The following RELL1 variants were observed in gnomAD, a reference collection of about 807,000 sequenced individuals.
The protein encoded by RELL1 is RELT like 1.
In RELL1, 10 loss-of-function variants were observed where a neutral mutation model predicts 23.0. The observed-to-expected ratio is 0.43, with a 90% CI of 0.27 to 0.74. The LOEUF is 0.74. RELL1 is among the 30% of genes least tolerant of loss of function. The pLI is 0.19. For synonymous variants in RELL1, 146 were observed against 146.8 expected (o/e 0.99, Z 0.04); for missense variants, 315 against 364.4 (o/e 0.86, Z 1.10).
At chr4:37,643,827 G>T (rs1313146373) in intron 3 of RELL1, among the ~76,000 whole-genome samples, 1 of 152,214 alleles carries the variant, frequency 6.6e-6, no homozygotes, top group Non-Finnish European at 1.5e-5. Flanking sequence ...TTATCACCAG[G>T]CTGTGGTTTT....
At chr4:37,645,544 T>G (rs188543238) in intron 3 of RELL1, among the ~76,000 whole-genome samples, 5 of 152,226 alleles carry the variant, frequency 3.3e-5, no homozygotes, top group African/African-American at 7.2e-5. Context: ...CCGAGTAAGT[T>G]TGGTTGTCTG....
chr4:37,647,711 T>C (rs3934004), intron 2 of RELL1, among the ~76,000 whole-genome samples: 89,366 of 152,078 alleles, frequency 0.59, 26,815 homozygotes, highest in Middle Eastern at 0.67. Flanking sequence ...TGTACCAGTC[T>C]TCATTATTAT....
At chr4:37,653,123 C>A (rs745793260) in intron 1 of RELL1, among the ~76,000 whole-genome samples, 2 of 152,074 alleles carry the variant, frequency 1.3e-5, no homozygotes, top group South Asian at 4.1e-4. Flanking sequence ...CAAGAAATTG[C>A]GTTTCCTTTT....
At chr4:37,627,020 A>G (rs1370577907) in intron 6 of RELL1, among the ~76,000 whole-genome samples, 1 of 152,212 alleles carries the variant, frequency 6.6e-6, no homozygotes, top group Non-Finnish European at 1.5e-5. Context: ...GTAGATTTGG[A>G]GTGTTCTCAC....
chr4:37,590,910 G>A, exon 7 of RELL1: 1 of 1,614,244 alleles, frequency 6.2e-7, no homozygotes, highest in Non-Finnish European at 8.5e-7. Flanking sequence ...ATGGGGATGG[G>A]GAGATTGTGG....
chr4:37,622,094 CTCAG>C (rs1719788652), intron 6 of RELL1, among the ~76,000 whole-genome samples: 1 of 152,178 alleles, frequency 6.6e-6, no homozygotes, highest in Non-Finnish European at 1.5e-5. Context: ...CTCCTTATGG[CTCAG>C]TCAATGTGGG....
Position 37,686,336 on chromosome 4 carries a change from G to A in RELL1, c.-49C>T, listed in dbSNP as rs527920149. ...CCCCAGGGCGCCGCGTCCCGCGCTC[G>A]GGAAGGCAGAGCCGCTCCGGAGCCG... On this transcript the variant is annotated 5_prime_UTR_variant, in exon 1 of 7. Coordinates refer to ENST00000454158, the MANE Select transcript of RELL1 (RefSeq NM_001085400.2). The A allele has an allele frequency of 5.7e-6, 8 of 1,410,596 alleles. No homozygotes were observed. The highest frequency in any genetic ancestry group is 6.5e-6 in the Non-Finnish European group (7 of 1,069,048). 87.4% of individuals were successfully genotyped at this position (1,410,596 alleles called of 1,614,324 possible).
chr4:37,662,021 G>C (rs10013338), intron 1 of RELL1, among the ~76,000 whole-genome samples: 55,985 of 151,814 alleles, frequency 0.37, 12,673 homozygotes, highest in African/African-American at 0.65. Flanking sequence ...CCCACCCAAC[G>C]CCAGCTGCAT....
chr4:37,672,123 T>A (rs953048638), intron 1 of RELL1, among the ~76,000 whole-genome samples: 10 of 152,096 alleles, frequency 6.6e-5, no homozygotes, highest in African/African-American at 2.4e-4. Context: ...ATCACACAGG[T>A]TTGACTGATA....
chr4:37,649,716 G>C (rs765037067), intron 1 of RELL1, among the ~76,000 whole-genome samples: 1 of 152,172 alleles, frequency 6.6e-6, no homozygotes, highest in African/African-American at 2.4e-5. Context: ...TCCCATGCTG[G>C]GTCATTTTTT....
intron 3 of RELL1, among the ~76,000 whole-genome samples, chr4:37,646,223 G>C (rs1416139239): frequency 6.6e-6 from 1 of 152,180 alleles, no homozygotes; most frequent in African/African-American, 2.4e-5. Flanking sequence ...GGTGTGCTAT[G>C]GAGGGAATAA....
chr4:37,646,759 G>A (rs932988030), intron 3 of RELL1, among the ~76,000 whole-genome samples: 23 of 151,942 alleles, frequency 1.5e-4, no homozygotes, highest in African/African-American at 4.8e-4. Flanking sequence ...ACAGAGTCTC[G>A]CTCTGTTACC....
chr4:37,597,805 C>T (rs1203385155), intron 6 of RELL1, among the ~76,000 whole-genome samples: 1 of 151,974 alleles, frequency 6.6e-6, no homozygotes, highest in East Asian at 1.9e-4. Context: ...AATCCCAGCA[C>T]TTTGGGAGGC....
chr4:37,605,827 GAA>G (rs1156849511), downstream of RELL1, among the ~76,000 whole-genome samples: 1 of 109,870 alleles, frequency 9.1e-6, no homozygotes. Flanking sequence ...AAGAAAGAAA[GAA>G]AGAAAGAAAG....
downstream of RELL1, among the ~76,000 whole-genome samples, chr4:37,605,926 GGAGA>G (rs975764486): frequency 1.9e-5 from 2 of 103,716 alleles, no homozygotes; most frequent in African/African-American, 6.2e-5. Flanking sequence ...AGGGAGGGAG[GGAGA>G]GAGAGAAGGA....
At chr4:37,666,476 A>G (rs770230838) in intron 1 of RELL1, among the ~76,000 whole-genome samples, 5 of 152,218 alleles carry the variant, frequency 3.3e-5, no homozygotes, top group Non-Finnish European at 7.3e-5. Context: ...GCCTTATATG[A>G]GATTACTAGG....
chr4:37,655,517 C>A lies in RELL1; in HGVS notation c.89-6017G>T, dbSNP rs145935263. ...ACAAGCTAAGGGACACCAAAGATTG[C>A]CAGCAAATCACCAGAACCCAGGAGA... On this transcript the variant is annotated intron_variant, in intron 1 of 6. Coordinates refer to ENST00000454158, the MANE Select transcript of RELL1 (RefSeq NM_001085400.2). 2.1e-3 allele frequency among the ~76,000 whole-genome samples: 315 copies of A among 152,240 alleles called. 3 individuals carry two copies. Among genetic ancestry groups the A allele is most frequent in the African/African-American group, 7.2e-3 (299 of 41,550 alleles).
intron 3 of RELL1, among the ~76,000 whole-genome samples, chr4:37,642,113 T>C (rs572668108): frequency 6.6e-6 from 1 of 152,324 alleles, no homozygotes; most frequent in Non-Finnish European, 1.5e-5. Flanking sequence ...GGTTGAATAA[T>C]GGTTCATGGC....
At chr4:37,604,864 C>G (rs1168231585) in intron 6 of RELL1, among the ~76,000 whole-genome samples, 4 of 111,138 alleles carry the variant, frequency 3.6e-5, no homozygotes, top group Non-Finnish European at 5.5e-5. Flanking sequence ...CACACACACA[C>G]AGACACACAC....
Sources: allele counts gnomAD v4.1 joint callset (sites outside exome capture counted in the v4.1 genomes callset), GRCh38; gene constraint gnomAD v4.1.1; transcripts MANE v1.5; gene names NCBI Gene and HGNC (gene_info 2026-07-23, HGNC 2026-07-21).